KIAA1958: variants seen among roughly 807,000 people sequenced by gnomAD.
KIAA1958 encodes KIAA1958, also known as uncharacterized protein KIAA1958.
A neutral mutation model predicts 47.2 loss-of-function variants in KIAA1958; 14 were observed. The ratio of observed to expected loss-of-function variants is 0.30; its 90% CI spans 0.20 to 0.46. The LOEUF (loss-of-function observed/expected upper bound fraction) is 0.46. KIAA1958 is among the 20% of genes least tolerant of loss of function. KIAA1958 has a pLI of 1.00. For missense variants in KIAA1958, 803 were observed against 909.2 expected (o/e 0.88, Z 1.50); for synonymous variants, 354 against 353.3 (o/e 1.00, Z -0.02).
intron 2 of KIAA1958, among the ~76,000 whole-genome samples, chr9:112,642,836 A>G (rs1836915355): frequency 6.6e-6 from 1 of 152,256 alleles, no homozygotes; most frequent in African/African-American, 2.4e-5. Context: ...TAATCCATAA[A>G]TATAATCATG....
intron 2 of KIAA1958, among the ~76,000 whole-genome samples, chr9:112,643,988 G>A (rs1422972542): frequency 6.6e-6 from 1 of 152,110 alleles, no homozygotes; most frequent in Non-Finnish European, 1.5e-5. Flanking sequence ...GACCAGCCTG[G>A]CCAACATGAC....
chr9:112,665,624 A>G lies in KIAA1958; in HGVS notation c.*5555A>G, dbSNP rs948890074. ...TGGCAAATATTTCATCTCTCAAGCC[A>G]TACTGTGTCACCCCTCCATGTATTC... On this transcript the variant is annotated 3_prime_UTR_variant, in exon 4 of 4. Coordinates refer to ENST00000337530, the MANE Select transcript of KIAA1958 (RefSeq NM_133465.4). 2.6e-5 allele frequency: 4 copies of G among 152,228 alleles called. No individual in the cohort carries two copies. The highest frequency in any genetic ancestry group is 4.8e-5 in the African/African-American group (2 of 41,460). The allele number at this position is 152,228 out of a possible 1,614,324, so 9.4% of individuals were successfully genotyped here. A position where few individuals can be genotyped will look rare whatever the true frequency, so the allele number is the denominator to read the frequency against.
intron 1 of KIAA1958, among the ~76,000 whole-genome samples, chr9:112,516,361 G>A (rs1834434945): frequency 6.6e-6 from 1 of 151,586 alleles, no homozygotes; most frequent in Non-Finnish European, 1.5e-5. Flanking sequence ...ATTTGTAATA[G>A]CATCAAAAAC....
rs542989787 is a variant in KIAA1958 at position 112,536,907 on chromosome 9, C to T, written c.-24-37150C>T. ...AAGATTTAAGAAGCTAACATGCCTA[C>T]CTTGGGAGCAGGAACAAATATCTCA... On this transcript the variant is annotated intron_variant, in intron 1 of 3. Coordinates refer to ENST00000337530, the MANE Select transcript of KIAA1958 (RefSeq NM_133465.4). 9.9e-5 allele frequency among the ~76,000 whole-genome samples: 15 copies of T among 151,926 alleles called. No individual in the cohort carries two copies. The South Asian group carries it at 2.9e-3, about 29-fold the overall frequency.
intron 2 of KIAA1958, among the ~76,000 whole-genome samples, chr9:112,626,626 C>T (rs941137146): frequency 3.3e-5 from 5 of 151,218 alleles, no homozygotes; most frequent in Non-Finnish European, 5.9e-5. Flanking sequence ...TTTATAAATC[C>T]CTTAGTGTAC....
chr9:112,509,934 C>A (rs1314463789), intron 1 of KIAA1958, among the ~76,000 whole-genome samples: 1 of 152,186 alleles, frequency 6.6e-6, no homozygotes, highest in African/African-American at 2.4e-5. Context: ...GGGAGTCAGT[C>A]AACAGAGGTG....
chr9:112,542,087 T>C (rs1244334711), intron 1 of KIAA1958, among the ~76,000 whole-genome samples: 1 of 152,228 alleles, frequency 6.6e-6, no homozygotes, highest in Non-Finnish European at 1.5e-5. Context: ...GGAATGAATA[T>C]GAGTGTACTC....
At chr9:112,637,339 C>T (rs1836820081) in intron 2 of KIAA1958, among the ~76,000 whole-genome samples, 2 of 152,030 alleles carry the variant, frequency 1.3e-5, no homozygotes, top group Non-Finnish European at 2.9e-5. Flanking sequence ...AATGAATTTG[C>T]TCATTATTTT....
At chr9:112,542,125 T>C (rs1701571172) in intron 1 of KIAA1958, among the ~76,000 whole-genome samples, 1 of 152,208 alleles carries the variant, frequency 6.6e-6, no homozygotes, top group South Asian at 2.1e-4. Context: ...ATTTGTCATA[T>C]TTTAAACTGA....
chr9:112,535,788 G>A (rs1834844864), intron 1 of KIAA1958, among the ~76,000 whole-genome samples: 1 of 151,682 alleles, frequency 6.6e-6, no homozygotes, highest in Non-Finnish European at 1.5e-5. Flanking sequence ...ACAGGCATGA[G>A]ATATTATCTC....
At chr9:112,562,111 G>T (rs1226873584) in intron 1 of KIAA1958, among the ~76,000 whole-genome samples, 1 of 152,136 alleles carries the variant, frequency 6.6e-6, no homozygotes, top group African/African-American at 2.4e-5. Context: ...TTCGCTGTCT[G>T]GGCCTCACTT....
chr9:112,537,752 C>G (rs910803781), intron 1 of KIAA1958, among the ~76,000 whole-genome samples: 4 of 152,218 alleles, frequency 2.6e-5, no homozygotes, highest in Non-Finnish European at 5.9e-5. Flanking sequence ...TTTCAGTTAT[C>G]TATCGCTGTA....
intron 2 of KIAA1958, among the ~76,000 whole-genome samples, chr9:112,583,156 C>T (rs1379277426): frequency 2.6e-5 from 4 of 152,152 alleles, no homozygotes; most frequent in African/African-American, 9.7e-5. Flanking sequence ...TGTACCTCCC[C>T]ATAGGAGAAG....
intron 1 of KIAA1958, among the ~76,000 whole-genome samples, chr9:112,502,888 G>A (rs1834167800): frequency 6.6e-6 from 1 of 152,162 alleles, no homozygotes; most frequent in African/African-American, 2.4e-5. Flanking sequence ...CATCAGTAGG[G>A]GAATTATTGG....
At chr9:112,626,166 G>A (rs1173535129) in intron 2 of KIAA1958, among the ~76,000 whole-genome samples, 1 of 152,074 alleles carries the variant, frequency 6.6e-6, no homozygotes, top group East Asian at 1.9e-4. Context: ...TGGTAACTAA[G>A]GAAAGAGGCC....
chr9:112,514,849 A>T (rs1374486426), intron 1 of KIAA1958, among the ~76,000 whole-genome samples: 12 of 29,632 alleles, frequency 4.0e-4, no homozygotes, highest in African/African-American at 1.3e-3. Context: ...TCCGGGAGGG[A>T]GGTGGGGGGG....
intron 2 of KIAA1958, among the ~76,000 whole-genome samples, chr9:112,628,529 C>T (rs1836658266): frequency 1.3e-5 from 2 of 152,120 alleles, no homozygotes; most frequent in South Asian, 4.1e-4. Context: ...TCCAGAGTCA[C>T]ACAAAATTAT....
chr9:112,505,419 G>T (rs1834217329), intron 1 of KIAA1958, among the ~76,000 whole-genome samples: 1 of 152,142 alleles, frequency 6.6e-6, no homozygotes, highest in Non-Finnish European at 1.5e-5. Context: ...GTAAATTCGT[G>T]TGAGTAGAGT....
In KIAA1958 at chr9:112,560,274, C is replaced by T. The variant is rs1486106488; in HGVS notation, c.-24-13783C>T. Among the ~76,000 whole-genome samples, 4 of 145,040 alleles carry T rather than the reference C, an allele frequency of 2.8e-5. No homozygotes were observed. The Admixed American group carries it at 2.9e-4, about 10-fold the overall frequency. On this transcript the variant is annotated intron_variant, in intron 1 of 3. Transcript: ENST00000337530. ...GGAGTGCAGTGGTATGATCATAGTG[C>T]ACTATAACCTCAAACTCCTAGGCAT...
Sources: gnomAD v4.1 joint callset for allele counts (sites outside exome capture counted in the v4.1 genomes callset) on GRCh38, gnomAD v4.1.1 for gene constraint, MANE v1.5 for transcripts, NCBI Gene and HGNC (gene_info 2026-07-23, HGNC 2026-07-21) for gene names.